The following HORMAD2 variants were observed in gnomAD, a reference collection of about 807,000 sequenced individuals.
The protein encoded by HORMAD2 is HORMA domain containing 2, also known as HORMA domain-containing protein 2.
A neutral mutation model predicts 38.8 loss-of-function variants in HORMAD2; 45 were observed. That is an observed-to-expected ratio of 1.16 (90% CI 0.91 to 1.49). The LOEUF is 1.49. Among genes scored for constraint, HORMAD2 ranks in the 40% most tolerant of loss-of-function variants. The pLI is 0.00. For missense variants in HORMAD2, 338 were observed against 367.0 expected (o/e 0.92, Z 0.65); for synonymous variants, 126 against 122.8 (o/e 1.03, Z -0.17).
the HORMAD2 span, among the ~76,000 whole-genome samples, chr22:30,200,922 G>A: frequency 1.3e-5 from 2 of 151,862 alleles, no homozygotes; most frequent in African/African-American, 4.8e-5. Context: ...GCTAATTTTT[G>A]TATTTTTAGT....
chr22:30,126,293 C>G (rs1922857519), intron 10 of HORMAD2, among the ~76,000 whole-genome samples: 1 of 152,060 alleles, frequency 6.6e-6, no homozygotes, highest in East Asian at 1.9e-4. Flanking sequence ...CTCAGCCTCT[C>G]AAGTAGCTGG....
chr22:30,099,070 C>G, intron 3 of HORMAD2, 77 bp downstream of exon 3: 1 of 1,299,430 alleles, frequency 7.7e-7, no homozygotes, highest in Non-Finnish European at 1.0e-6. Flanking sequence ...TTTCACGTCT[C>G]ACAAAGTGTG....
the HORMAD2 span, among the ~76,000 whole-genome samples, chr22:30,206,633 C>A: frequency 6.6e-6 from 1 of 152,052 alleles, no homozygotes; most frequent in Admixed American, 6.6e-5. Context: ...AAATGCATGC[C>A]ACCATCCCCA....
intron 1 of HORMAD2, among the ~76,000 whole-genome samples, chr22:30,087,243 C>A (rs986961547): frequency 1.3e-5 from 2 of 152,148 alleles, no homozygotes; most frequent in African/African-American, 4.8e-5. Context: ...GCTTGAGCAA[C>A]TAGGTATGTG....
chr22:30,187,857 A>C, the HORMAD2 span, among the ~76,000 whole-genome samples: 1 of 151,954 alleles, frequency 6.6e-6, no homozygotes, highest in South Asian at 2.1e-4. Context: ...TCACTTTATA[A>C]AGTTCAGTTT....
At chr22:30,111,111 A>C (rs1240199336) in intron 5 of HORMAD2, among the ~76,000 whole-genome samples, 1 of 148,728 alleles carries the variant, frequency 6.7e-6, no homozygotes, top group Non-Finnish European at 1.5e-5. Context: ...AGCCAAGATC[A>C]CGCTACTGTA....
intron 10 of HORMAD2, among the ~76,000 whole-genome samples, chr22:30,158,909 T>C (rs1925274335): frequency 1.3e-5 from 2 of 152,110 alleles, no homozygotes; most frequent in South Asian, 4.2e-4. Context: ...GATCTCAAAC[T>C]CCTGAGCTCA....
At position 30,111,799 on chromosome 22, in the gene HORMAD2, C is replaced by A; in HGVS notation, c.298C>A (p.Arg100Ser). The change falls in exon 6 of 11, where the codon CGT (arginine) becomes AGT (serine). Residue 100 changes from arginine (R) to serine (S), a missense_variant. Physicochemically the swap from Arg to Ser is moderately radical, Grantham distance 110. Transcript: ENST00000336726. ...TTTTTTTTTCTTTCTCTTGAAGCTA[C>A]GTATGGCAGTACTGACAGTAAGTAC... ...CFDALEKRYL[R>S]MAVLTLYTDP... 6.4e-7 allele frequency: 1 copy of A among 1,564,106 alleles called. No homozygotes were observed. Among genetic ancestry groups the A allele is most frequent in the African/African-American group, 1.4e-5 (1 of 73,502 alleles).
intron 10 of HORMAD2, among the ~76,000 whole-genome samples, chr22:30,141,254 T>TC (rs2146180141): frequency 6.6e-6 from 1 of 152,352 alleles, no homozygotes; most frequent in Admixed American, 6.5e-5. Context: ...CACCTCGGCC[T>TC]CCCAAAGTGC....
At chr22:30,093,230 A>T (rs2068723494) in intron 1 of HORMAD2, among the ~76,000 whole-genome samples, 1 of 151,902 alleles carries the variant, frequency 6.6e-6, no homozygotes, top group Admixed American at 6.6e-5. Context: ...TTCCTAGCTA[A>T]TTTTTTTGGT....
chr22:30,180,332 C>G (rs1355393771), downstream of HORMAD2, among the ~76,000 whole-genome samples: 2 of 152,100 alleles, frequency 1.3e-5, no homozygotes, highest in East Asian at 1.9e-4. Flanking sequence ...CTTGGGGTCT[C>G]AGACACTTAG....
At chr22:30,126,190 G>T (rs1490936728) in intron 10 of HORMAD2, among the ~76,000 whole-genome samples, 1 of 151,568 alleles carries the variant, frequency 6.6e-6, no homozygotes, top group East Asian at 1.9e-4. Flanking sequence ...TTGAGACGGA[G>T]TCTCCCACTG....
At chr22:30,116,897 G>A (rs942059558) in intron 7 of HORMAD2, among the ~76,000 whole-genome samples, 9 of 152,156 alleles carry the variant, frequency 5.9e-5, no homozygotes, top group African/African-American at 2.2e-4. Flanking sequence ...TTGTTTGCTT[G>A]GCAGAGCAAT....
intron 10 of HORMAD2, among the ~76,000 whole-genome samples, chr22:30,155,347 A>G (rs947784637): frequency 3.3e-5 from 5 of 152,162 alleles, no homozygotes; most frequent in African/African-American, 1.2e-4. Context: ...ACTTATTTAT[A>G]TCAGTATGGA....
chr22:30,200,081 T>C, the HORMAD2 span, among the ~76,000 whole-genome samples: 1 of 152,160 alleles, frequency 6.6e-6, no homozygotes, highest in East Asian at 1.9e-4. Context: ...CACGCCTGGC[T>C]AATTTTTATA....
intron 10 of HORMAD2, among the ~76,000 whole-genome samples, chr22:30,158,032 T>C (rs1180919316): frequency 6.6e-6 from 1 of 152,102 alleles, no homozygotes; most frequent in Non-Finnish European, 1.5e-5. Flanking sequence ...TGTGAACCTG[T>C]TAGATTTAAT....
At chr22:30,108,603 T>TCTA (rs1921385908) in intron 5 of HORMAD2, among the ~76,000 whole-genome samples, 1 of 152,268 alleles carries the variant, frequency 6.6e-6, no homozygotes, top group Non-Finnish European at 1.5e-5. Flanking sequence ...CTAGCCTAGA[T>TCTA]GGTCCCTTTA....
downstream of HORMAD2, among the ~76,000 whole-genome samples, chr22:30,177,491 T>G (rs1389836732): frequency 6.6e-6 from 1 of 152,128 alleles, no homozygotes; most frequent in Non-Finnish European, 1.5e-5. Flanking sequence ...TTTTAGCATA[T>G]TAAGTGGACT....
At chr22:30,182,357 C>T in the HORMAD2 span, among the ~76,000 whole-genome samples, 9 of 152,172 alleles carry the variant, frequency 5.9e-5, no homozygotes, top group Non-Finnish European at 1.2e-4. Flanking sequence ...GATACCCTTG[C>T]CACTTCTACA....
Sources: allele counts gnomAD v4.1 joint callset (sites outside exome capture counted in the v4.1 genomes callset), GRCh38; gene constraint gnomAD v4.1.1; transcripts MANE v1.5; gene names NCBI Gene and HGNC (gene_info 2026-07-23, HGNC 2026-07-21).